WDR88: variants seen among roughly 807,000 people sequenced by gnomAD.
The protein encoded by WDR88 is WD repeat-containing protein 88.
In WDR88, 40 loss-of-function variants were observed where a neutral mutation model predicts 46.8. The observed-to-expected ratio is 0.86, with a 90% CI of 0.66 to 1.11. The LOEUF (loss-of-function observed/expected upper bound fraction) is 1.11. Among genes scored for constraint, WDR88 ranks in the 50% most tolerant of loss-of-function variants. WDR88 has a pLI of 0.00. For missense variants in WDR88, 562 were observed against 602.4 expected, an observed-to-expected ratio of 0.93 and a Z score of 0.70; for synonymous variants, 235 against 240.7, an observed-to-expected ratio of 0.98 and a Z score of 0.22.
At chr19:33,161,971 C>G (rs1165885031) in intron 8 of WDR88, among the ~76,000 whole-genome samples, 1 of 152,070 alleles carries the variant, frequency 6.6e-6, no homozygotes, top group African/African-American at 2.4e-5. Flanking sequence ...TATTCTCTCT[C>G]CTCTTCTCTC....
At chr19:33,170,478 C>T (rs940500181) in intron 9 of WDR88, among the ~76,000 whole-genome samples, 6 of 152,064 alleles carry the variant, frequency 3.9e-5, no homozygotes, top group Non-Finnish European at 2.9e-5. Flanking sequence ...CTGTGCCCGG[C>T]CCATTTTGAC....
At position 33,151,223 on chromosome 19, in the gene WDR88, A is replaced by G. The variant is rs770070086; in HGVS notation, c.722A>G (p.Asp241Gly). 1.9e-6 allele frequency: 3 copies of G among 1,613,850 alleles called. No individual in the cohort carries two copies. Among genetic ancestry groups the G allele is most frequent in the Non-Finnish European group, 2.5e-6 (3 of 1,179,926 alleles). ...ATCACGTCATGCTGCTTTGACCCCG[A>G]CAGCCAGAGGGTGGCTTCTGTCTCA... Reference protein sequence around the residue: ...RSITSCCFDPDSQRVASVSLD... With the variant: ...RSITSCCFDPGSQRVASVSLD... Residue 241 changes from aspartate to glycine, a missense_variant, in exon 6 of 11, where the codon GAC becomes GGC. By Grantham distance (94) the Asp-to-Gly change is moderately conservative. Coordinates refer to ENST00000355868, the MANE Select transcript of WDR88 (RefSeq NM_173479.4).
At chr19:33,147,328 C>T (rs1280715205) in intron 3 of WDR88, among the ~76,000 whole-genome samples, 4 of 152,046 alleles carry the variant, frequency 2.6e-5, no homozygotes, top group East Asian at 1.9e-4. Flanking sequence ...TTTGGCCAGG[C>T]GCGGTGGTTC....
intron 10 of WDR88, among the ~76,000 whole-genome samples, chr19:33,173,196 C>A (rs1222518656): frequency 6.6e-6 from 1 of 150,394 alleles, no homozygotes; most frequent in Non-Finnish European, 1.5e-5. Context: ...CCTGGTGCAT[C>A]GGAGGGGTGG....
intron 10 of WDR88, among the ~76,000 whole-genome samples, chr19:33,172,935 C>A (rs533297604): frequency 6.6e-6 from 1 of 151,428 alleles, no homozygotes; most frequent in Non-Finnish European, 1.5e-5. Flanking sequence ...ACTACAAATA[C>A]AAAAAAATTA....
rs776907413 is a variant in WDR88 at position 33,144,918 on chromosome 19, C to T, written c.462C>T (p.Thr154=). The change falls in exon 3 of 11, where the codon ACC becomes ACT. Residue 154 remains threonine, a synonymous_variant. Transcript: ENST00000355868. ...CTCCTGTTGTAGAGTGCAGCATCACCGGCGACAGCAGCAGGTGACCTTTCC... is the reference window on the plus strand; with the variant it reads ...CTCCTGTTGTAGAGTGCAGCATCACTGGCGACAGCAGCAGGTGACCTTTCC... ...PKAPVVECSI[T]GDSSRVIAAS... 23 of 1,613,150 alleles carry T rather than the reference C, an allele frequency of 1.4e-5. No homozygotes were observed. In the Admixed American group the frequency reaches 1.5e-4, roughly 11 times the overall value.
chr19:33,174,605 A>G (rs2145431468), intron 10 of WDR88: 1 of 984,740 alleles, frequency 1.0e-6, no homozygotes, highest in South Asian at 4.7e-5. Context: ...ACCTGCATCA[A>G]TCTGCTTCAC....
intron 2 of WDR88, among the ~76,000 whole-genome samples, chr19:33,141,103 AT>A (rs534012684): frequency 6.6e-6 from 1 of 150,964 alleles, no homozygotes; most frequent in South Asian, 2.1e-4. Context: ...TGCCTGGCTA[AT>A]TTTTTTGTTT....
chr19:33,172,853 G>C (rs1034254289), intron 10 of WDR88, among the ~76,000 whole-genome samples: 2 of 152,012 alleles, frequency 1.3e-5, no homozygotes, highest in Non-Finnish European at 2.9e-5. Flanking sequence ...ATTTTGGGAG[G>C]CTGAAGCAGG....
At chr19:33,146,783 G>A (rs1163235499) in intron 3 of WDR88, among the ~76,000 whole-genome samples, 2 of 152,174 alleles carry the variant, frequency 1.3e-5, no homozygotes, top group African/African-American at 4.8e-5. Flanking sequence ...CTCCCAAAGT[G>A]TTGGGATTAC....
At chr19:33,174,313 T>A (rs955988691) in intron 10 of WDR88, 54 of 1,520,210 alleles carry the variant, frequency 3.6e-5, no homozygotes, top group Non-Finnish European at 4.6e-5. Flanking sequence ...TTTACCCCCC[T>A]CTCCAGCAGG....
chr19:33,166,575 C>T (rs532249512), intron 9 of WDR88, among the ~76,000 whole-genome samples: 23 of 150,868 alleles, frequency 1.5e-4, no homozygotes, highest in African/African-American at 3.7e-4. Flanking sequence ...CCAGCCTGGG[C>T]GACAGAGTGA....
intron 9 of WDR88, among the ~76,000 whole-genome samples, chr19:33,168,035 T>TC (rs58926256): frequency 6.7e-5 from 9 of 134,530 alleles, no homozygotes; most frequent in African/African-American, 2.4e-4. Context: ...TTTCTTTCTT[T>TC]TTTTTTTTTT....
chr19:33,172,546 A>G (rs1439396947), intron 10 of WDR88, 106 bp downstream of exon 10: 4 of 907,266 alleles, frequency 4.4e-6, no homozygotes, highest in African/African-American at 3.4e-5. Context: ...GCAATCGTGA[A>G]CAAACAGACT....
chr19:33,172,713 G>A (rs992813656), intron 10 of WDR88, among the ~76,000 whole-genome samples: 2 of 152,096 alleles, frequency 1.3e-5, no homozygotes, highest in Non-Finnish European at 2.9e-5. Flanking sequence ...ATTTTAAAGG[G>A]TGGTCAGGAT....
chr19:33,149,041 A>G (rs900604778), intron 5 of WDR88, 131 bp downstream of exon 5: 3 of 1,402,306 alleles, frequency 2.1e-6, no homozygotes, highest in Admixed American at 4.5e-5. Context: ...TAAAGCTGGG[A>G]CACTAGGCTA....
chr19:33,142,051 G>A (rs1033624333), intron 2 of WDR88, among the ~76,000 whole-genome samples: 1 of 152,140 alleles, frequency 6.6e-6, no homozygotes, highest in Admixed American at 6.6e-5. Flanking sequence ...GACTGGAAAC[G>A]GGGTCAGTGG....
rs1472378586 is a variant in WDR88, at chr19:33,151,234, G to T, written c.733G>T (p.Val245Leu). 32 of 1,613,812 alleles carry T rather than the reference G, an allele frequency of 2.0e-5. No individual in the cohort carries two copies. The highest frequency in any genetic ancestry group is 2.7e-5 in the Non-Finnish European group (32 of 1,179,924). Residue 245 changes from valine to leucine, a missense_variant, in exon 6 of 11, where the codon GTG becomes TTG. Physicochemically the swap from Val to Leu is conservative, Grantham distance 32. Coordinates refer to ENST00000355868, the MANE Select transcript of WDR88 (RefSeq NM_173479.4). ...CTGCTTTGACCCCGACAGCCAGAGG[G>T]TGGCTTCTGTCTCATTGGACAGGTG... is the stretch of plus-strand genomic sequence containing the variant. Reference protein sequence around the residue: ...SCCFDPDSQRVASVSLDRCIK... With the variant: ...SCCFDPDSQRLASVSLDRCIK...
At chr19:33,173,091 C>CAAAA (rs60495323) in intron 10 of WDR88, among the ~76,000 whole-genome samples, 3 of 57,272 alleles carry the variant, frequency 5.2e-5, no homozygotes, top group African/African-American at 7.4e-5. Flanking sequence ...GACTCTGTCT[C>CAAAA]AAAAAAAAAA....
Sources: allele counts gnomAD v4.1 joint callset (sites outside exome capture counted in the v4.1 genomes callset), GRCh38; gene constraint gnomAD v4.1.1; transcripts MANE v1.5; gene names NCBI Gene and HGNC (gene_info 2026-07-23, HGNC 2026-07-21).